The following NELL1 variants were observed in gnomAD, a reference collection of about 807,000 sequenced individuals.
The protein encoded by NELL1 is neural EGFL like 1, also known as protein kinase C-binding protein NELL1.
A neutral mutation model predicts 107.4 loss-of-function variants in NELL1; 76 were observed. The ratio of observed to expected loss-of-function variants is 0.71; its 90% confidence interval spans 0.59 to 0.86. The LOEUF is 0.86. NELL1 is among the 40% of genes least tolerant of loss of function. The pLI is 0.00. For missense variants in NELL1, 1,024 were observed against 1,005.5 expected (o/e 1.02, Z -0.25); for synonymous variants, 353 against 341.2 (o/e 1.03, Z -0.38).
intron 16 of NELL1, among the ~76,000 whole-genome samples, chr11:21,553,537 AG>A: frequency 6.6e-6 from 1 of 151,970 alleles, no homozygotes; most frequent in South Asian, 2.1e-4. Flanking sequence ...AGAGGTGAAA[AG>A]TAATCATATC....
At chr11:21,154,725 G>A (rs1856193484) in intron 13 of NELL1, among the ~76,000 whole-genome samples, 1 of 152,156 alleles carries the variant, frequency 6.6e-6, no homozygotes, top group Non-Finnish European at 1.5e-5. Flanking sequence ...TATGTAGGAT[G>A]ACAGCAAATA....
intron 10 of NELL1, among the ~76,000 whole-genome samples, chr11:20,938,258 T>C (rs1294233143): frequency 6.6e-6 from 1 of 152,154 alleles, no homozygotes; most frequent in Non-Finnish European, 1.5e-5. Flanking sequence ...TGCCTCTTCC[T>C]CCTGCCTGCC....
chr11:20,985,551 G>A (rs1258361275), intron 12 of NELL1, among the ~76,000 whole-genome samples: 1 of 152,118 alleles, frequency 6.6e-6, no homozygotes, highest in Non-Finnish European at 1.5e-5. Context: ...AGTTGGGTAT[G>A]GTGCCATAAG....
intron 11 of NELL1, among the ~76,000 whole-genome samples, chr11:20,948,777 A>C (rs901764060): frequency 6.6e-5 from 10 of 151,562 alleles, no homozygotes; most frequent in Non-Finnish European, 1.3e-4. Flanking sequence ...AAAAAAAAAA[A>C]AAAAAAAAAA....
rs574133858 is a variant in NELL1, at chr11:21,154,159, A to C, written c.1426+40445A>C. Among the ~76,000 whole-genome samples the C allele has an allele frequency of 1.4e-3, 210 of 152,250 alleles. 2 individuals are homozygous for C. The highest frequency in any genetic ancestry group is 4.8e-3 in the African/African-American group (201 of 41,558). ...TGAGCTGAGACCAGTTATGGATAAA[A>C]TGTTGATGTTTTGTGAAGTTTGTAT... On this transcript the variant is annotated intron_variant, in intron 13 of 19. Coordinates refer to ENST00000357134, the MANE Select transcript of NELL1 (RefSeq NM_006157.5).
chr11:20,845,658 C>G (rs1159130065), intron 3 of NELL1, among the ~76,000 whole-genome samples: 1 of 152,140 alleles, frequency 6.6e-6, no homozygotes, highest in Non-Finnish European at 1.5e-5. Flanking sequence ...ATAATGAAAT[C>G]TACCTTAAAG....
chr11:20,795,820 C>T (rs1365772197), intron 3 of NELL1, among the ~76,000 whole-genome samples: 3 of 151,842 alleles, frequency 2.0e-5, no homozygotes, highest in Non-Finnish European at 4.4e-5. Context: ...TCAAAAGATA[C>T]TCTTCAGTTT....
intron 2 of NELL1, among the ~76,000 whole-genome samples, chr11:20,782,788 G>C (rs116181795): frequency 2.1e-4 from 32 of 152,150 alleles, no homozygotes; most frequent in Admixed American, 2.1e-3. Flanking sequence ...CTCTAACTTT[G>C]CTCCCTTAGT....
Position 21,540,684 on chromosome 11 carries a change from C to A in NELL1, c.1786+6170C>A, listed in dbSNP as rs189702020. Among the ~76,000 whole-genome samples, 44 of 152,100 alleles carry A rather than the reference C, an allele frequency of 2.9e-4. 2 individuals carry two copies. The highest frequency in any genetic ancestry group is 3.4e-3 in the Middle Eastern group (1 of 294). On this transcript the variant is annotated intron_variant, in intron 16 of 19. Transcript: ENST00000357134. ...AAGGGGGGAGGTACTATGTACTTTT[C>A]AACAACCAGATCTCATGAGAACCCA...
At chr11:21,098,344 G>T (rs1854704910) in intron 12 of NELL1, among the ~76,000 whole-genome samples, 2 of 152,100 alleles carry the variant, frequency 1.3e-5, no homozygotes, top group African/African-American at 2.4e-5. Flanking sequence ...GTACATGTCA[G>T]GGTCCTTTAT....
intron 15 of NELL1, among the ~76,000 whole-genome samples, chr11:21,372,406 T>C (rs1851377186): frequency 6.6e-6 from 1 of 152,096 alleles, no homozygotes; most frequent in Non-Finnish European, 1.5e-5. Flanking sequence ...TGAATACTAC[T>C]ACTAATGATA....
intron 12 of NELL1, among the ~76,000 whole-genome samples, chr11:21,053,115 A>G (rs777653576): frequency 9.9e-5 from 15 of 152,040 alleles, no homozygotes; most frequent in Non-Finnish European, 1.6e-4. Context: ...CTGTGTTAGG[A>G]TGACCCATTG....
At chr11:21,128,837 C>A (rs2133754051) in intron 13 of NELL1, among the ~76,000 whole-genome samples, 1 of 152,290 alleles carries the variant, frequency 6.6e-6, no homozygotes, top group South Asian at 2.1e-4. Flanking sequence ...TGGCCTCAAG[C>A]AAACTGTTTA....
intron 12 of NELL1, among the ~76,000 whole-genome samples, chr11:21,085,251 A>C (rs942179948): frequency 6.6e-6 from 1 of 152,220 alleles, no homozygotes; most frequent in Non-Finnish European, 1.5e-5. Context: ...ACAAATAAAA[A>C]GTGAATAAAT....
chr11:21,187,388 G>T (rs1856956973), intron 13 of NELL1, among the ~76,000 whole-genome samples: 2 of 151,750 alleles, frequency 1.3e-5, no homozygotes, highest in Non-Finnish European at 2.9e-5. Flanking sequence ...ATGGTGCTAA[G>T]GTAATTGCTA....
intron 12 of NELL1, among the ~76,000 whole-genome samples, chr11:20,974,227 C>G (rs903293799): frequency 6.6e-6 from 1 of 152,070 alleles, no homozygotes; most frequent in Admixed American, 6.6e-5. Flanking sequence ...TGGGACACTC[C>G]GAGGTGTTTG....
intron 3 of NELL1, among the ~76,000 whole-genome samples, chr11:20,793,061 A>T (rs61556106): frequency 0.011 from 1,643 of 152,096 alleles, 26 homozygotes; most frequent in African/African-American, 0.037. Flanking sequence ...AAACATAATT[A>T]GAAAAGGACA....
intron 13 of NELL1, among the ~76,000 whole-genome samples, chr11:21,194,336 G>A (rs1324874031): frequency 6.6e-6 from 1 of 152,116 alleles, no homozygotes; most frequent in Non-Finnish European, 1.5e-5. Flanking sequence ...GGGCTTGGTT[G>A]TTTTTTCCCA....
chr11:21,313,518 T>C (rs1157471629), intron 14 of NELL1, among the ~76,000 whole-genome samples: 2 of 152,164 alleles, frequency 1.3e-5, no homozygotes, highest in Non-Finnish European at 2.9e-5. Flanking sequence ...AAATCCCCAC[T>C]GTCACCTACT....
Sources: gnomAD v4.1 joint callset for allele counts (sites outside exome capture counted in the v4.1 genomes callset) on GRCh38, gnomAD v4.1.1 for gene constraint, MANE v1.5 for transcripts, NCBI Gene and HGNC (gene_info 2026-07-23, HGNC 2026-07-21) for gene names.